LRRC7: variants seen among roughly 807,000 people sequenced by gnomAD.
LRRC7 encodes the protein leucine rich repeat containing 7, also known as leucine-rich repeat-containing protein 7.
LRRC7 carries 23 observed loss-of-function variants against 175.7 expected under a neutral mutation model. The observed-to-expected ratio is 0.13, with a 90% CI of 0.09 to 0.19. The LOEUF is 0.19. LRRC7 is among the 10% of genes least tolerant of loss of function. The pLI is 1.00. For synonymous variants in LRRC7, 685 were observed against 680.9 expected (o/e 1.01, Z -0.09); for missense variants, 1,354 against 1,904.7 (o/e 0.71, Z 5.38).
chr1:69,716,316 A>G, intron 2 of LRRC7: 3 of 409,042 alleles, frequency 7.3e-6, no homozygotes, highest in Non-Finnish European at 1.3e-5. Context: ...GTAATTTTAA[A>G]TTTATACTTA....
chr1:69,874,401 T>C (rs1249320835), intron 7 of LRRC7: 1 of 152,174 alleles, frequency 6.6e-6, no homozygotes, highest in Non-Finnish European at 1.5e-5. Context: ...GGTCACCATC[T>C]TGCTGATGCC....
chr1:69,598,117 G>A (rs932053175), intron 1 of LRRC7, among the ~76,000 whole-genome samples: 4 of 152,214 alleles, frequency 2.6e-5, no homozygotes, highest in Middle Eastern at 3.4e-3. Flanking sequence ...CGCATATCTG[G>A]TAAGATGGGT....
chr1:69,671,246 C>T (rs1391849162), intron 1 of LRRC7, among the ~76,000 whole-genome samples: 1 of 152,090 alleles, frequency 6.6e-6, no homozygotes, highest in African/African-American at 2.4e-5. Context: ...CCCCTCAAGG[C>T]AGCATGTTCC....
intron 7 of LRRC7, among the ~76,000 whole-genome samples, chr1:69,929,925 A>G (rs2101766942): frequency 6.6e-6 from 1 of 152,166 alleles, no homozygotes; most frequent in East Asian, 1.9e-4. Context: ...GTCTGCTAGG[A>G]TGTCTTCAAG....
At chr1:69,593,093 G>A (rs1646703577) in intron 1 of LRRC7, among the ~76,000 whole-genome samples, 3 of 151,930 alleles carry the variant, frequency 2.0e-5, no homozygotes, top group Non-Finnish European at 4.4e-5. Context: ...GTTTAATTCT[G>A]TATATAGGTT....
At chr1:69,800,945 G>C (rs187073781) in intron 4 of LRRC7, among the ~76,000 whole-genome samples, 12 of 151,782 alleles carry the variant, frequency 7.9e-5, no homozygotes, top group Non-Finnish European at 1.5e-4. Context: ...TATCATGAAG[G>C]GATACTGCAT....
At chr1:69,575,619 C>G (rs1278444236) in intron 1 of LRRC7, among the ~76,000 whole-genome samples, 1 of 151,948 alleles carries the variant, frequency 6.6e-6, no homozygotes, top group Non-Finnish European at 1.5e-5. Flanking sequence ...AATTTGGATA[C>G]TATATCCTTT....
chr1:69,628,185 G>C (rs986504359), intron 1 of LRRC7, among the ~76,000 whole-genome samples: 1 of 152,104 alleles, frequency 6.6e-6, no homozygotes, highest in Non-Finnish European at 1.5e-5. Context: ...TGGAAAGAAA[G>C]AACGAAAATT....
intron 23 of LRRC7, among the ~76,000 whole-genome samples, chr1:70,054,578 C>CTTTTTTTTTTTTT (rs35639787): frequency 1.9e-5 from 1 of 53,798 alleles, no homozygotes; most frequent in African/African-American, 6.6e-5. Context: ...TTACACTCTA[C>CTTTTTTTTTTTTT]TTTTTTTTTT....
chr1:69,572,804 A>G (rs565112132), intron 1 of LRRC7, among the ~76,000 whole-genome samples: 1 of 152,252 alleles, frequency 6.6e-6, no homozygotes, highest in African/African-American at 2.4e-5. Flanking sequence ...TGGTTTGGAA[A>G]TTTTAGAAGA....
intron 26 of LRRC7, among the ~76,000 whole-genome samples, chr1:70,112,575 G>C (rs1665595075): frequency 6.6e-6 from 1 of 152,164 alleles, no homozygotes; most frequent in East Asian, 1.9e-4. Flanking sequence ...TAATATAAAA[G>C]TGTGTATCCT....
chr1:70,036,407 G>GT (rs745878407), intron 19 of LRRC7, 37 bp from the exon 20 acceptor site: 1 of 1,578,516 alleles, frequency 6.3e-7, no homozygotes, highest in African/African-American at 1.4e-5. Flanking sequence ...AATTGTCAGT[G>GT]TCATAGCATT....
At chr1:69,656,925 C>T (rs227111) in intron 1 of LRRC7, among the ~76,000 whole-genome samples, 110,765 of 151,312 alleles carry the variant, frequency 0.73, 40,865 homozygotes, top group African/African-American at 0.8. Context: ...ACCATAATCC[C>T]TTATTACATT....
chr1:69,984,408 A>G lies in LRRC7; in HGVS notation c.787-1834A>G, dbSNP rs146891050. The stretch of plus-strand genomic sequence containing the variant: ...GTATTTATTGTGTATTTGTTTATTT[A>G]TACTCTGTCAAGTAATTAGAGATGG... On this transcript the variant is annotated intron_variant, in intron 9 of 26. Transcript: ENST00000651989. Among the ~76,000 whole-genome samples, 202 of 152,308 alleles carry G rather than the reference A, an allele frequency of 1.3e-3. 4 individuals are homozygous for G. The highest frequency in any genetic ancestry group is 4.5e-3 in the African/African-American group (189 of 41,564).
intron 7 of LRRC7, among the ~76,000 whole-genome samples, chr1:69,908,125 T>C (rs1019765840): frequency 2.0e-5 from 3 of 152,226 alleles, no homozygotes; most frequent in African/African-American, 7.2e-5. Context: ...TATCATTTTT[T>C]ATTGCGTCTA....
Position 70,126,185 on chromosome 1 carries a change from C to A in LRRC7, c.*4298C>A, listed in dbSNP as rs1212476332. On this transcript the variant is annotated 3_prime_UTR_variant, in exon 27 of 27. Transcript: ENST00000651989. Reference sequence around the variant, plus strand: ...CAACATAACCAGGTCAAAAGCCATACTGAAATAGGACTACCACTCAAAGTC... The same window carrying A: ...CAACATAACCAGGTCAAAAGCCATAATGAAATAGGACTACCACTCAAAGTC... 6.6e-6 allele frequency among the ~76,000 whole-genome samples: 1 copy of A among 152,086 alleles called. No individual in the cohort carries two copies. The highest frequency in any genetic ancestry group is 2.4e-5 in the African/African-American group (1 of 41,402).
chr1:70,051,416 T>G (rs1185912637), intron 22 of LRRC7, among the ~76,000 whole-genome samples: 1 of 152,098 alleles, frequency 6.6e-6, no homozygotes, highest in East Asian at 1.9e-4. Context: ...CTCTTAATTT[T>G]AATTTTTATT....
At chr1:69,803,308 A>T (rs565897649) in intron 4 of LRRC7, among the ~76,000 whole-genome samples, 3 of 151,544 alleles carry the variant, frequency 2.0e-5, no homozygotes, top group Non-Finnish European at 3.0e-5. Flanking sequence ...TTGGAATTTT[A>T]AAAATTGGCT....
intron 20 of LRRC7, among the ~76,000 whole-genome samples, chr1:70,037,637 T>C (rs976173120): frequency 6.6e-6 from 1 of 152,216 alleles, no homozygotes; most frequent in Non-Finnish European, 1.5e-5. Context: ...TAGTTTGAAA[T>C]GTACCAAATC....
Sources: gnomAD v4.1 joint callset for allele counts (sites outside exome capture counted in the v4.1 genomes callset) on GRCh38, gnomAD v4.1.1 for gene constraint, MANE v1.5 for transcripts, NCBI Gene and HGNC (gene_info 2026-07-23, HGNC 2026-07-21) for gene names.